NAPRT: variants seen among roughly 807,000 people sequenced by gnomAD.
NAPRT encodes the protein nicotinate phosphoribosyltransferase.
In NAPRT, 66 loss-of-function variants were observed where a neutral mutation model predicts 60.7. That is an observed-to-expected ratio of 1.09 (90% CI 0.89 to 1.33). The LOEUF (loss-of-function observed/expected upper bound fraction) is 1.33. NAPRT is among the 40% of genes most tolerant of loss of function. The pLI, the probability that NAPRT is intolerant of heterozygous loss-of-function variation, is 0.00. For synonymous variants in NAPRT, 405 were observed against 335.7 expected, an observed-to-expected ratio of 1.21 and a Z score of -2.26; for missense variants, 818 against 731.5, an observed-to-expected ratio of 1.12 and a Z score of -1.36.
Position 143,575,304 on chromosome 8 carries a change from C to G in NAPRT, c.1333G>C (p.Val445Leu), listed in dbSNP as rs1395050250. The change falls in exon 11 of 13, where the codon GTG (valine) becomes CTG (leucine). Residue 445 changes from valine (V) to leucine (L), a missense_variant. Coordinates refer to ENST00000449291, the MANE Select transcript of NAPRT (RefSeq NM_145201.6). The stretch of plus-strand genomic sequence containing the variant: ...CTCAGCTCCTGCCCAGCCTGTGGCA[C>G]TGGCTCTTCTGCTAACTGCAGCATG... ...MDMLQLAEEPVPQAGQELRVW... is the reference protein window; with the variant it reads ...MDMLQLAEEPLPQAGQELRVW... The G allele has an allele frequency of 6.2e-7, 1 of 1,612,794 alleles. No individual in the cohort carries two copies. Among genetic ancestry groups the G allele is most frequent in the Non-Finnish European group, 8.5e-7 (1 of 1,179,934 alleles).
rs762166562 is a variant in NAPRT at position 143,575,440 on chromosome 8, C to T, written c.1274G>A (p.Arg425Gln). Residue 425 changes from arginine to glutamine, a missense_variant, in exon 10 of 13, where the codon CGG becomes CAG. By Grantham distance (43) the Arg-to-Gln change is conservative (BLOSUM62 1). Transcript: ENST00000449291. The stretch of plus-strand genomic sequence containing the variant: ...GGCCTCACCGTCAGAGCCCAGGAGC[C>T]GGAAAGCAGCCTTGCTCCCAGGCAA... ...QTLPGSKAAF[R>Q]LLGSDGSPLM... The T allele has an allele frequency of 1.1e-5, 17 of 1,590,766 alleles. No homozygotes were observed. The highest frequency in any genetic ancestry group is 9.9e-5 in the South Asian group (9 of 90,620).
chr8:143,578,094 G>T lies in NAPRT; in HGVS notation c.225C>A (p.Ala75=). ...CTCGTCGCGCGGACGGGGGACTACC[G>T]GCGTCCCGCAGGCGGAAGGCGCGCA... is the stretch of plus-strand genomic sequence containing the variant. ...RFLRAFRLRD[A]DVQFLASVLP... Residue 75 remains alanine (A), a splice_region_variant and synonymous_variant, in exon 1 of 13, where the codon GCC becomes GCA. Coordinates refer to ENST00000449291, the MANE Select transcript of NAPRT (RefSeq NM_145201.6). 6.6e-7 allele frequency: 1 copy of T among 1,522,936 alleles called. No individual in the cohort carries two copies. The allele number at this position is 1,522,936 out of a possible 1,614,324, so 94.3% of individuals were successfully genotyped here. A position where few individuals can be genotyped will look rare whatever the true frequency, so the allele number is the denominator to read the frequency against.
downstream of NAPRT, among the ~76,000 whole-genome samples, chr8:143,573,179 G>C (rs1824175912): frequency 6.6e-6 from 1 of 151,958 alleles, no homozygotes; most frequent in Non-Finnish European, 1.5e-5. Context: ...CCTGGGGCTA[G>C]GGGCTGGCCC....
chr8:143,575,294 G>A lies in NAPRT; in HGVS notation c.1343C>T (p.Ala448Val), dbSNP rs760638287. ...AGGCCACACCCTCAGCTCCTGCCCA[G>A]CCTGTGGCACTGGCTCTTCTGCTAA... Reference protein sequence around the residue: ...LQLAEEPVPQAGQELRVWPPG... With the variant: ...LQLAEEPVPQVGQELRVWPPG... The change falls in exon 11 of 13, where the codon GCT (alanine) becomes GTT (valine). Residue 448 changes from alanine (A) to valine (V), a missense_variant. Physicochemically the swap from Ala to Val is moderately conservative, Grantham distance 64. Coordinates refer to ENST00000449291, the MANE Select transcript of NAPRT (RefSeq NM_145201.6). 1.9e-6 allele frequency: 3 copies of A among 1,612,740 alleles called. No individual in the cohort carries two copies. The highest frequency in any genetic ancestry group is 2.5e-6 in the Non-Finnish European group (3 of 1,179,964).
chr8:143,576,276 G>T, intron 7 of NAPRT, 114 bp from the exon 8 acceptor site: 1 of 1,369,302 alleles, frequency 7.3e-7, no homozygotes. Context: ...CTCACCTTCT[G>T]CTTGGGAGCT....
At position 143,577,081 on chromosome 8, in the gene NAPRT, C is replaced by G. The variant is rs776393408; in HGVS notation, c.665G>C (p.Ser222Thr). 5 of 1,612,804 alleles carry G rather than the reference C, an allele frequency of 3.1e-6. No homozygotes were observed. The highest frequency in any genetic ancestry group is 4.2e-6 in the Non-Finnish European group (5 of 1,179,878). ...ACTGACCGGGTCAGGGGGCACCTCG[C>G]TGCCTGAAAAGGAAGTGACGAAGGA... ...AHSFVTSFSGSEVPPDPMLAP... is the reference protein window; with the variant it reads ...AHSFVTSFSGTEVPPDPMLAP... Residue 222 changes from serine to threonine, a missense_variant, in exon 5 of 13, where the codon AGC becomes ACC. Ser to Thr is a moderately conservative substitution (Grantham distance 58). Coordinates refer to ENST00000449291, the MANE Select transcript of NAPRT (RefSeq NM_145201.6).
Position 143,577,323 on chromosome 8 carries a change from G to A in NAPRT, c.514C>T (p.Arg172Trp), listed in dbSNP as rs780656692. 5 of 1,605,390 alleles carry A rather than the reference G, an allele frequency of 3.1e-6. No individual in the cohort carries two copies. The highest frequency in any genetic ancestry group is 2.2e-5 in the East Asian group (1 of 44,524). ...AGGCCCCCATCGGGGCCCTGAGCCCGCCTCAGGCCCATCTCTAGCAGCCGC... is the reference window on the plus strand; with the variant it reads ...AGGCCCCCATCGGGGCCCTGAGCCCACCTCAGGCCCATCTCTAGCAGCCGC... The part of the protein sequence containing the change: ...EKRLLEMGLR[R>W]AQGPDGGLTA... The change falls in exon 4 of 13, where the codon CGG (arginine) becomes TGG (tryptophan). Residue 172 changes from arginine (R) to tryptophan (W), a missense_variant. Coordinates refer to ENST00000449291, the MANE Select transcript of NAPRT (RefSeq NM_145201.6).
rs373729246 is a variant in NAPRT at position 143,577,128 on chromosome 8, C to A, written c.618G>T (p.Pro206=). ...AGGAGTGGGCCAGGGTCCCGGCCAC[C>A]GGCACACCTCGCAGCTGGCCCGCTA... is the stretch of plus-strand genomic sequence containing the variant. The part of the protein sequence containing the change: ...NVLAGQLRGV[P]VAGTLAHSFV... The change falls in exon 5 of 13, where the codon CCG becomes CCT. Residue 206 remains proline (P), a synonymous_variant. Transcript: ENST00000449291. 24 of 1,612,826 alleles carry A rather than the reference C, an allele frequency of 1.5e-5. 1 individual carries two copies. In the South Asian group the frequency reaches 2.3e-4, roughly 15 times the overall value.
At position 143,577,165 on chromosome 8, in the gene NAPRT, C is replaced by G. The variant is rs1420537701; in HGVS notation, c.581G>C (p.Ser194Thr). The G allele has an allele frequency of 1.2e-5, 20 of 1,612,066 alleles. No homozygotes were observed. The highest frequency in any genetic ancestry group is 1.7e-5 in the Admixed American group (1 of 59,958). The change falls in exon 5 of 13, where the codon AGC becomes ACC. Residue 194 changes from serine (S) to threonine (T), a missense_variant. Physicochemically the swap from Ser to Thr is moderately conservative, Grantham distance 58 (BLOSUM62 1). Transcript: ENST00000449291. ...TYSYLGGFDS[S>T]SNVLAGQLRG... ...CAGCTGGCCCGCTAGCACGTTGCTG[C>G]TGCTGTCGAAGCCTGGGGAGGAAGG...
chr8:143,577,534 G>C (rs571475894), intron 3 of NAPRT, 123 bp downstream of exon 3: 13 of 1,443,888 alleles, frequency 9.0e-6, no homozygotes, highest in Admixed American at 2.1e-5. Flanking sequence ...CCTGAAGAGT[G>C]GGGGCGGGAG....
rs762110533 is a variant in NAPRT, at chr8:143,578,299, G to C, written c.20C>G (p.Pro7Arg). 3.6e-6 allele frequency: 5 copies of C among 1,397,692 alleles called. No individual in the cohort carries two copies. In the East Asian group the frequency reaches 9.0e-5, roughly 25 times the overall value. 86.6% of individuals were successfully genotyped at this position (1,397,692 alleles called of 1,614,324 possible). MAAEQD[P>R]EARAAARPLL... is the part of the protein sequence containing the mutation. ...CGGCCGCGCCGCCGCGCGCGCCTCG[G>C]GGTCCTGCTCCGCCGCCATCCTGCT... is the stretch of plus-strand genomic sequence containing the variant. Residue 7 changes from proline to arginine, a missense_variant, in exon 1 of 13, where the codon CCC (proline) becomes CGC (arginine). Pro to Arg is a moderately radical substitution (Grantham distance 103). Coordinates refer to ENST00000449291, the MANE Select transcript of NAPRT (RefSeq NM_145201.6).
chr8:143,577,186 G>A lies in NAPRT; in HGVS notation c.569-9C>T. On this transcript the variant is annotated splice_polypyrimidine_tract_variant and intron_variant, in intron 4 of 12. Transcript: ENST00000449291. ...GCTGCTGCTGTCGAAGCCTGGGGAG[G>A]AAGGCGGTGGGATTGGGGGACCTCG... 6.2e-7 allele frequency: 1 copy of A among 1,610,344 alleles called. No individual in the cohort carries two copies. Among genetic ancestry groups the A allele is most frequent in the Non-Finnish European group, 8.5e-7 (1 of 1,178,316 alleles).
intron 8 of NAPRT, 76 bp from the exon 9 acceptor site, chr8:143,575,778 A>C: frequency 6.7e-5 from 37 of 553,496 alleles, no homozygotes; most frequent in East Asian, 5.6e-4. Flanking sequence ...TGGGTGGGGA[A>C]GGAGGTGGCA....
At position 143,575,356 on chromosome 8, in the gene NAPRT, G is replaced by A. The variant is rs371127967; in HGVS notation, c.1292-11C>T. The A allele has an allele frequency of 2.2e-5, 35 of 1,604,958 alleles. No individual in the cohort carries two copies. The highest frequency in any genetic ancestry group is 1.2e-4 in the African/African-American group (9 of 74,876). ...CCATGAGTGGAGACCCTGTGTGGAC[G>A]GGGCAAGAATAAGCGGGGGCCCTGG... On this transcript the variant is annotated splice_polypyrimidine_tract_variant and intron_variant, in intron 10 of 12. Coordinates refer to ENST00000449291, the MANE Select transcript of NAPRT (RefSeq NM_145201.6).
Position 143,577,942 on chromosome 8 carries a change from G to A in NAPRT, c.228C>T (p.Asp76=). ...FLRAFRLRDA[D]VQFLASVLPP... ...GCAGCACCGAGGCCAGGAACTGCAC[G>A]TCTGGAAACGAGGTAACTGCGCTGA... Residue 76 remains aspartate, a splice_region_variant and synonymous_variant, in exon 2 of 13, where the codon GAC becomes GAT. Coordinates refer to ENST00000449291, the MANE Select transcript of NAPRT (RefSeq NM_145201.6). 1 of 1,608,668 alleles carries A rather than the reference G, an allele frequency of 6.2e-7. No individual in the cohort carries two copies. Among genetic ancestry groups the A allele is most frequent in the Non-Finnish European group, 8.5e-7 (1 of 1,177,218 alleles).
In NAPRT at chr8:143,577,043, G is replaced by A. The variant is rs1489623813; in HGVS notation, c.684+19C>T. 1.2e-5 allele frequency: 20 copies of A among 1,608,728 alleles called. No homozygotes were observed. Among genetic ancestry groups the A allele is most frequent in the East Asian group, 2.2e-5 (1 of 44,840 alleles). ...GGGCCTGTCGCCTGGAGACAGCAGG[G>A]TTTAGAGGAGGGACTGACCGGGTCA... is the stretch of plus-strand genomic sequence containing the variant. On this transcript the variant is annotated intron_variant, in intron 5 of 12. Coordinates refer to ENST00000449291, the MANE Select transcript of NAPRT (RefSeq NM_145201.6).
intron 6 of NAPRT, 29 bp downstream of exon 6, chr8:143,576,617 G>T (rs1376435603): frequency 3.1e-6 from 5 of 1,605,466 alleles, no homozygotes; most frequent in Middle Eastern, 1.7e-4. Context: ...AGGTTCTGCT[G>T]AGCCCACCCC....
chr8:143,575,696 C>T lies in NAPRT; in HGVS notation c.1114G>A (p.Glu372Lys). The T allele has an allele frequency of 1.9e-6, 3 of 1,581,968 alleles. No individual in the cohort carries two copies. Among genetic ancestry groups the T allele is most frequent in the Non-Finnish European group, 2.6e-6 (3 of 1,164,714 alleles). ...ALARLAQEGS[E>K]VNVIGIGTSV... ...GTGCCAATGCCAATGACATTCACCT[C>T]ACTGCCCTGGGTGGGGAAGGGGGTG... The change falls in exon 9 of 13, where the codon GAG (glutamate) becomes AAG (lysine). Residue 372 changes from glutamate to lysine, a missense_variant. By Grantham distance (56) the Glu-to-Lys change is moderately conservative. Coordinates refer to ENST00000449291, the MANE Select transcript of NAPRT (RefSeq NM_145201.6).
chr8:143,573,177 TA>T (rs1482397356), downstream of NAPRT, among the ~76,000 whole-genome samples: 1 of 152,114 alleles, frequency 6.6e-6, no homozygotes, highest in Non-Finnish European at 1.5e-5. Context: ...GGCCTGGGGC[TA>T]GGGGCTGGCC....
Sources: gnomAD v4.1 joint callset for allele counts (sites outside exome capture counted in the v4.1 genomes callset) on GRCh38, gnomAD v4.1.1 for gene constraint, MANE v1.5 for transcripts, NCBI Gene and HGNC (gene_info 2026-07-23, HGNC 2026-07-21) for gene names.